The following HSD17B2 variants were observed in gnomAD, a reference collection of about 807,000 sequenced individuals.
HSD17B2 encodes the protein 17-beta-hydroxysteroid dehydrogenase type 2.
In HSD17B2, 32 loss-of-function variants were observed where a neutral mutation model predicts 26.9. That is an observed-to-expected ratio of 1.19 (90% CI 0.90 to 1.60). The LOEUF (loss-of-function observed/expected upper bound fraction) is 1.60. Ranked by LOEUF, HSD17B2 falls within the 40% of genes most tolerant of loss-of-function variation. The probability of loss-of-function intolerance (pLI) is 0.00; values close to 1 mark genes in which losing one functional copy is unlikely to be tolerated. For missense variants in HSD17B2, 613 were observed against 468.6 expected, an observed-to-expected ratio of 1.31 and a Z score of -2.85; for synonymous variants, 246 against 186.7, an observed-to-expected ratio of 1.32 and a Z score of -2.59.
At chr16:82,087,860 G>A (rs1904573987) in intron 3 of HSD17B2, among the ~76,000 whole-genome samples, 1 of 151,902 alleles carries the variant, frequency 6.6e-6, no homozygotes, top group Non-Finnish European at 1.5e-5. Flanking sequence ...AGCGAAAGGG[G>A]GCCAAAATCC....
intron 4 of HSD17B2, chr16:82,095,924 G>A (rs892185327): frequency 2.6e-5 from 4 of 152,102 alleles, no homozygotes; most frequent in African/African-American, 7.2e-5. Flanking sequence ...ATGTAGAAGG[G>A]CACACAAAAC....
At chr16:82,051,021 C>T (rs558739919) in intron 1 of HSD17B2, among the ~76,000 whole-genome samples, 1 of 152,330 alleles carries the variant, frequency 6.6e-6, no homozygotes, top group South Asian at 2.1e-4. Flanking sequence ...CTGATAACTA[C>T]TAGCTTAAAT....
In HSD17B2 at chr16:82,078,722, C is replaced by T. The variant is rs904239369; in HGVS notation, c.664+7595C>T. Among the ~76,000 whole-genome samples, 3 of 152,172 alleles carry T rather than the reference C, an allele frequency of 2.0e-5. No homozygotes were observed. The East Asian group carries it at 5.8e-4, about 29-fold the overall frequency. ...AATGAGATATTGTCATCTGCAATAA[C>T]ATGGATGGAACTGGAAGTCATTATG... On this transcript the variant is annotated intron_variant, in intron 3 of 4. Coordinates refer to ENST00000199936, the MANE Select transcript of HSD17B2 (RefSeq NM_002153.3).
At chr16:82,066,848 A>G (rs893537541) in intron 1 of HSD17B2, among the ~76,000 whole-genome samples, 5 of 152,080 alleles carry the variant, frequency 3.3e-5, no homozygotes, top group African/African-American at 1.2e-4. Flanking sequence ...GTCTTATTCC[A>G]TTTTGTGTAC....
At chr16:82,091,368 G>A in intron 4 of HSD17B2, 2 of 338,508 alleles carry the variant, frequency 5.9e-6, no homozygotes, top group East Asian at 7.4e-5. Context: ...GTGTCTGCCA[G>A]CTGGCAATTA....
At chr16:82,038,329 G>A (rs1339310566) in intron 1 of HSD17B2, among the ~76,000 whole-genome samples, 1 of 152,178 alleles carries the variant, frequency 6.6e-6, no homozygotes, top group Admixed American at 6.5e-5. Flanking sequence ...AAATGTATGT[G>A]TGATGCATTT....
At chr16:82,086,763 A>G (rs1370052039) in intron 3 of HSD17B2, among the ~76,000 whole-genome samples, 1 of 152,230 alleles carries the variant, frequency 6.6e-6, no homozygotes, top group Non-Finnish European at 1.5e-5. Flanking sequence ...TCACAATAAA[A>G]TATCACAAAT....
chr16:82,043,684 C>CAAAAAAAAAAAAAAAAAAA (rs398030034), intron 1 of HSD17B2, among the ~76,000 whole-genome samples: 3 of 22,550 alleles, frequency 1.3e-4, no homozygotes, highest in African/African-American at 1.0e-3. Context: ...AACTCTGTCT[C>CAAAAAAAAAAAAAAAAAAA]AAAAAAAAAA....
intron 1 of HSD17B2, among the ~76,000 whole-genome samples, chr16:82,048,165 A>G (rs1024391283): frequency 2.6e-5 from 4 of 152,230 alleles, no homozygotes; most frequent in African/African-American, 9.6e-5. Flanking sequence ...TGAAGCTCTG[A>G]AACCTAAAAA....
intron 3 of HSD17B2, among the ~76,000 whole-genome samples, chr16:82,077,676 G>A (rs1904309429): frequency 1.3e-5 from 2 of 151,808 alleles, no homozygotes; most frequent in Non-Finnish European, 2.9e-5. Context: ...GGCTGCAGCA[G>A]ACTGTGATCA....
At chr16:82,065,067 C>A (rs1914538778) in intron 1 of HSD17B2, among the ~76,000 whole-genome samples, 1 of 152,134 alleles carries the variant, frequency 6.6e-6, no homozygotes, top group South Asian at 2.1e-4. Context: ...CCTTGTGGAC[C>A]CCTGTGGGGA....
intron 1 of HSD17B2, among the ~76,000 whole-genome samples, chr16:82,052,671 T>C (rs1215661895): frequency 2.6e-5 from 4 of 152,186 alleles, no homozygotes; most frequent in African/African-American, 9.7e-5. Flanking sequence ...CTCTCTATTT[T>C]TTTATGCTCA....
At chr16:82,055,631 C>A (rs933489990) in intron 1 of HSD17B2, among the ~76,000 whole-genome samples, 4 of 152,204 alleles carry the variant, frequency 2.6e-5, no homozygotes, top group African/African-American at 9.7e-5. Flanking sequence ...AACTCCCCCA[C>A]AGTGGGCAAA....
chr16:82,092,284 G>C (rs1298511879), intron 4 of HSD17B2: 3 of 152,098 alleles, frequency 2.0e-5, no homozygotes, highest in African/African-American at 7.2e-5. Context: ...TCCACCCCAA[G>C]AGGAGAAGGC....
chr16:82,062,520 A>G (rs1022215561), intron 1 of HSD17B2, among the ~76,000 whole-genome samples: 1 of 152,198 alleles, frequency 6.6e-6, no homozygotes. Context: ...GAGGATTTGA[A>G]TATTTTATAC....
At chr16:82,080,322 T>A (rs1261891302) in intron 3 of HSD17B2, among the ~76,000 whole-genome samples, 1 of 152,126 alleles carries the variant, frequency 6.6e-6, no homozygotes, top group Admixed American at 6.5e-5. Flanking sequence ...GATCTTGAGA[T>A]GAGGAGGTTA....
Position 82,098,319 on chromosome 16 carries a change from C to G in HSD17B2, c.1047C>G (p.Cys349Trp), listed in dbSNP as rs773370280. 4.5e-5 allele frequency: 73 copies of G among 1,614,064 alleles called. No individual in the cohort carries two copies. In the Admixed American group the frequency reaches 1.2e-3, roughly 26 times the overall value. Residue 349 changes from cysteine (C) to tryptophan (W), a missense_variant, in exon 5 of 5, where the codon TGC becomes TGG. By Grantham distance (215) the Cys-to-Trp change is radical. Transcript: ENST00000199936. ...TPGKGAYLWI[C>W]LAHYLPIGIY... ...GGAAAGGCGCTTACTTGTGGATCTG[C>G]CTTGCTCACTATTTGCCTATTGGCA...
chr16:82,092,196 G>A (rs1233870389), intron 4 of HSD17B2: 1 of 152,112 alleles, frequency 6.6e-6, no homozygotes, highest in Non-Finnish European at 1.5e-5. Context: ...TGGCCAAGAA[G>A]GTTTCCTTCC....
rs764680623 is a variant in HSD17B2 at position 82,068,298 on chromosome 16, C to A, written c.394C>A (p.Leu132Ile). ...EELRRTCSPR[L>I]SVLQMDITKP... Reference sequence around the variant, plus strand: ...ATTGCGAAGAACCTGCTCTCCGCGCCTCTCGGTGCTCCAAATGGACATCAC... The same window carrying A: ...ATTGCGAAGAACCTGCTCTCCGCGCATCTCGGTGCTCCAAATGGACATCAC... The change falls in exon 2 of 5, where the codon CTC (leucine) becomes ATC (isoleucine). Residue 132 changes from leucine (L) to isoleucine (I), a missense_variant. By Grantham distance (5) the Leu-to-Ile change is conservative. Transcript: ENST00000199936. 3.1e-6 allele frequency: 5 copies of A among 1,614,016 alleles called. No individual in the cohort carries two copies. The highest frequency in any genetic ancestry group is 4.2e-6 in the Non-Finnish European group (5 of 1,180,032).
Sources: allele counts gnomAD v4.1 joint callset (sites outside exome capture counted in the v4.1 genomes callset), GRCh38; gene constraint gnomAD v4.1.1; transcripts MANE v1.5; gene names NCBI Gene and HGNC (gene_info 2026-07-23, HGNC 2026-07-21).